CDKAL1: variants seen among roughly 807,000 people sequenced by gnomAD.
The protein encoded by CDKAL1 is CDKAL1 threonylcarbamoyladenosine tRNA methylthiotransferase.
Under a neutral mutation model 68.2 loss-of-function variants are expected in CDKAL1, and 32 were observed. That is an observed-to-expected ratio of 0.47 (90% CI 0.35 to 0.63). CDKAL1 has a LOEUF of 0.63. Among genes scored for constraint, CDKAL1 ranks in the 30% least tolerant of loss-of-function variants. The pLI is 0.00. For synonymous variants in CDKAL1, 234 were observed against 244.3 expected, an observed-to-expected ratio of 0.96 and a Z score of 0.39; for missense variants, 606 against 696.7, an observed-to-expected ratio of 0.87 and a Z score of 1.47.
intron 8 of CDKAL1, among the ~76,000 whole-genome samples, chr6:20,841,563 A>C (rs1778174510): frequency 6.6e-6 from 1 of 152,100 alleles, no homozygotes; most frequent in South Asian, 2.1e-4. Context: ...TTGTTATTTC[A>C]TTTGTTTAGT....
At chr6:20,610,333 T>C (rs1029111393) in intron 4 of CDKAL1, among the ~76,000 whole-genome samples, 10 of 152,188 alleles carry the variant, frequency 6.6e-5, no homozygotes, top group Admixed American at 6.5e-4. Flanking sequence ...TTTCTGTCTT[T>C]AGGTCTTTGA....
chr6:20,697,938 G>C (rs952685838), intron 5 of CDKAL1, among the ~76,000 whole-genome samples: 11 of 152,126 alleles, frequency 7.2e-5, no homozygotes, highest in Non-Finnish European at 5.9e-5. Flanking sequence ...TTTGAGTTAC[G>C]TGCATCTCAT....
At position 20,842,829 on chromosome 6, in the gene CDKAL1, C is replaced by G. The variant is rs140367373; in HGVS notation, c.639-3246C>G. On this transcript the variant is annotated intron_variant, in intron 8 of 15. Transcript: ENST00000274695. ...CTGGGCAACAGGAACGAAACTCCGT[C>G]TCAAAAACAAACAAACAAAAAATCA... Among the ~76,000 whole-genome samples the G allele has an allele frequency of 4.8e-3, 728 of 152,232 alleles. 3 individuals are homozygous for G. Among genetic ancestry groups the G allele is most frequent in the African/African-American group, 0.017 (699 of 41,502 alleles).
intron 10 of CDKAL1, among the ~76,000 whole-genome samples, chr6:20,962,372 C>T (rs1765099961): frequency 6.6e-6 from 1 of 152,086 alleles, no homozygotes; most frequent in South Asian, 2.1e-4. Context: ...AAATCAGCTT[C>T]CTGCTACCCT....
intron 15 of CDKAL1, among the ~76,000 whole-genome samples, chr6:21,220,197 C>A (rs1779485824): frequency 6.8e-6 from 1 of 146,504 alleles, no homozygotes; most frequent in Admixed American, 6.6e-5. Context: ...CTCGTGCGTG[C>A]GTGCGTGTGT....
At chr6:21,201,502 G>A (rs1778692382) in intron 15 of CDKAL1, among the ~76,000 whole-genome samples, 1 of 152,196 alleles carries the variant, frequency 6.6e-6, no homozygotes, top group Non-Finnish European at 1.5e-5. Context: ...TCTGCTTCCA[G>A]TTTAGAAGCA....
intron 5 of CDKAL1, among the ~76,000 whole-genome samples, chr6:20,721,056 C>T (rs1370741953): frequency 1.3e-5 from 2 of 152,210 alleles, no homozygotes; most frequent in Non-Finnish European, 2.9e-5. Flanking sequence ...TGGTATGCTG[C>T]ACCCGTTAAC....
At chr6:20,921,115 T>C (rs1762934748) in intron 9 of CDKAL1, among the ~76,000 whole-genome samples, 1 of 152,160 alleles carries the variant, frequency 6.6e-6, no homozygotes. Context: ...GCCAGCCAGG[T>C]TGTTACACCT....
intron 4 of CDKAL1, among the ~76,000 whole-genome samples, chr6:20,610,281 A>T (rs1051405506): frequency 5.9e-5 from 9 of 152,124 alleles, no homozygotes; most frequent in African/African-American, 2.2e-4. Context: ...TTATATTTCC[A>T]TGGATATCTG....
At chr6:20,674,280 G>A (rs903689825) in intron 5 of CDKAL1, among the ~76,000 whole-genome samples, 3 of 152,244 alleles carry the variant, frequency 2.0e-5, no homozygotes, top group Admixed American at 6.5e-5. Context: ...TAATTACAGT[G>A]TTGAGCAGTA....
rs190601160 is a variant in CDKAL1 at position 20,683,033 on chromosome 6, G to A, written c.371+33656G>A. Among the ~76,000 whole-genome samples, 5 of 149,052 alleles carry A rather than the reference G, an allele frequency of 3.4e-5. No individual in the cohort carries two copies. In the East Asian group the frequency reaches 9.9e-4, roughly 30 times the overall value. On this transcript the variant is annotated intron_variant, in intron 5 of 15. Coordinates refer to ENST00000274695, the MANE Select transcript of CDKAL1 (RefSeq NM_017774.3). ...AGTGACTTTCACAGGTGCAAGCATAGCACCCTGTAGCCTTGAACTCCTGGG... is the reference window on the plus strand; with the variant it reads ...AGTGACTTTCACAGGTGCAAGCATAACACCCTGTAGCCTTGAACTCCTGGG...
chr6:20,783,260 G>A (rs983473946), intron 8 of CDKAL1, among the ~76,000 whole-genome samples: 15 of 152,132 alleles, frequency 9.9e-5, no homozygotes, highest in African/African-American at 3.4e-4. Context: ...GTGTGTTTAT[G>A]CGGGGCTTTT....
chr6:21,190,681 A>G (rs900335546), intron 13 of CDKAL1, among the ~76,000 whole-genome samples: 1 of 152,172 alleles, frequency 6.6e-6, no homozygotes, highest in African/African-American at 2.4e-5. Flanking sequence ...ATGTGTTTTA[A>G]TCTTTGCCTT....
chr6:20,561,514 AACCAACTACC>A (rs899863670), intron 4 of CDKAL1, among the ~76,000 whole-genome samples: 24 of 151,440 alleles, frequency 1.6e-4, no homozygotes, highest in African/African-American at 5.6e-4. Flanking sequence ...CAGACTGTAA[AACCAACTACC>A]ACCATTTATT....
At chr6:20,932,844 AC>A (rs1763529250) in intron 9 of CDKAL1, among the ~76,000 whole-genome samples, 1 of 152,226 alleles carries the variant, frequency 6.6e-6, no homozygotes, top group Non-Finnish European at 1.5e-5. Context: ...TCCTAGGGGA[AC>A]CCAGCAAACA....
intron 13 of CDKAL1, among the ~76,000 whole-genome samples, chr6:21,157,797 C>G (rs1399110239): frequency 2.0e-5 from 3 of 152,156 alleles, no homozygotes; most frequent in African/African-American, 4.8e-5. Flanking sequence ...CTGGGTGTGC[C>G]CAGAGGGACT....
At chr6:20,814,034 A>G (rs148908310) in intron 8 of CDKAL1, among the ~76,000 whole-genome samples, 4 of 152,096 alleles carry the variant, frequency 2.6e-5, no homozygotes, top group African/African-American at 9.6e-5. Context: ...GCATCTTTAC[A>G]GTATTGAGTT....
intron 10 of CDKAL1, among the ~76,000 whole-genome samples, chr6:20,972,909 A>C (rs1218668897): frequency 6.6e-6 from 1 of 152,134 alleles, no homozygotes; most frequent in Non-Finnish European, 1.5e-5. Flanking sequence ...CAGTTACCCT[A>C]TACAAAGAAT....
chr6:20,578,040 A>G (rs1177940834), intron 4 of CDKAL1, among the ~76,000 whole-genome samples: 1 of 152,154 alleles, frequency 6.6e-6, no homozygotes. Context: ...CCTGGACTAT[A>G]TGTCATAAAT....
Sources: gnomAD v4.1 joint callset for allele counts (sites outside exome capture counted in the v4.1 genomes callset) on GRCh38, gnomAD v4.1.1 for gene constraint, MANE v1.5 for transcripts, NCBI Gene and HGNC (gene_info 2026-07-23, HGNC 2026-07-21) for gene names.